The following NKIRAS1 variants were observed in gnomAD, a reference collection of about 807,000 sequenced individuals.
The protein encoded by NKIRAS1 is NF-kappa-B inhibitor-interacting Ras-like protein 1.
Under a neutral mutation model 19.8 loss-of-function variants are expected in NKIRAS1, and 16 were observed. That is an observed-to-expected ratio of 0.81 (90% CI 0.55 to 1.23). NKIRAS1 has a LOEUF of 1.23. Ranked by LOEUF, NKIRAS1 falls within the 50% of genes most tolerant of loss-of-function variation. The pLI, the probability that NKIRAS1 is intolerant of heterozygous loss-of-function variation, is 0.00. For missense variants in NKIRAS1, 184 were observed against 220.0 expected, an observed-to-expected ratio of 0.84 and a Z score of 1.04; for synonymous variants, 88 against 79.0, an observed-to-expected ratio of 1.11 and a Z score of -0.61.
intron 1 of NKIRAS1, chr3:23,945,692 C>T: frequency 6.7e-6 from 1 of 149,220 alleles, no homozygotes; most frequent in Non-Finnish European, 1.4e-5. Context: ...TCCCCATGGC[C>T]GGTGGGGCGG....
rs771809065 is a variant in NKIRAS1 at position 23,893,237 on chromosome 3, A to C, written c.437T>G (p.Leu146Arg). ...CCGATCTGTAACAGTCACCTCCCAC[A>C]GTCTTACTTTCTCACTTTTTGCCCA... ...QQWAKSEKVR[L>R]WEVTVTDRKT... Residue 146 changes from leucine (L) to arginine (R), a missense_variant, in exon 5 of 5, where the codon CTG (leucine) becomes CGG (arginine). Leu to Arg is a moderately radical substitution (Grantham distance 102). Transcript: ENST00000425478. The C allele has an allele frequency of 6.2e-7, 1 of 1,614,066 alleles. No individual in the cohort carries two copies. The highest frequency in any genetic ancestry group is 1.3e-5 in the African/African-American group (1 of 74,934).
intron 3 of NKIRAS1, among the ~76,000 whole-genome samples, chr3:23,905,128 C>G (rs946919590): frequency 1.3e-5 from 2 of 152,110 alleles, no homozygotes; most frequent in African/African-American, 4.8e-5. Flanking sequence ...CATGCCTGGC[C>G]TGATGTGTCT....
At position 23,890,409 on chromosome 3, in the gene NKIRAS1, A is replaced by G. The variant is rs1277561832; in HGVS notation, c.*2686T>C. 1 of 1,092,000 alleles carries G rather than the reference A, an allele frequency of 9.2e-7. No individual in the cohort carries two copies. Among genetic ancestry groups the G allele is most frequent in the Non-Finnish European group, 1.3e-6 (1 of 762,954 alleles). 67.6% of individuals were successfully genotyped at this position (1,092,000 alleles called of 1,614,324 possible). ...GTGTTTCGAAGATGGGTTTGATCACACATACTTTGTCGTACGTATCTACCC... is the reference window on the plus strand; with the variant it reads ...GTGTTTCGAAGATGGGTTTGATCACGCATACTTTGTCGTACGTATCTACCC... On this transcript the variant is annotated 3_prime_UTR_variant, in exon 5 of 5. Transcript: ENST00000425478.
At chr3:23,920,499 A>G, upstream of NKIRAS1, 3 of 985,284 alleles carry the variant, frequency 3.0e-6, no homozygotes, top group African/African-American at 3.5e-5. Context: ...GACTATGAGT[A>G]TACCACCACA....
intron 3 of NKIRAS1, among the ~76,000 whole-genome samples, chr3:23,906,158 CAAAA>C (rs377092022): frequency 2.0e-5 from 2 of 98,842 alleles, no homozygotes; most frequent in Admixed American, 1.2e-4. Flanking sequence ...GACTCCGTCT[CAAAA>C]AAAAAAAAAA....
intron 1 of NKIRAS1, chr3:23,916,521 A>C (rs1414440452): frequency 6.6e-6 from 1 of 152,260 alleles, no homozygotes; most frequent in African/African-American, 2.4e-5. Flanking sequence ...TTTTAGGACA[A>C]AATCCCTGGG....
chr3:23,909,351 G>A (rs997418215), intron 3 of NKIRAS1, among the ~76,000 whole-genome samples: 1 of 152,028 alleles, frequency 6.6e-6, no homozygotes, highest in Non-Finnish European at 1.5e-5. Flanking sequence ...GTGAAACCCC[G>A]TCTCTACTAA....
In NKIRAS1 at chr3:23,892,981, C is replaced by G. The variant is rs1339652457; in HGVS notation, c.*114G>C. On this transcript the variant is annotated 3_prime_UTR_variant, in exon 5 of 5. Transcript: ENST00000425478. ...TTAATTGACTTCCTTAGGAATTTTC[C>G]TAAGGACCAAAGGTAGATACAAATG... 3 of 1,146,548 alleles carry G rather than the reference C, an allele frequency of 2.6e-6. No homozygotes were observed. Among genetic ancestry groups the G allele is most frequent in the South Asian group, 2.4e-5 (1 of 41,820 alleles). The allele number at this position is 1,146,548 out of a possible 1,614,324, so 71.0% of individuals were successfully genotyped here. A position where few individuals can be genotyped will look rare whatever the true frequency, so the allele number is the denominator to read the frequency against.
intron 1 of NKIRAS1, among the ~76,000 whole-genome samples, chr3:23,924,996 G>C (rs1003080482): frequency 6.6e-6 from 1 of 152,122 alleles, no homozygotes; most frequent in Non-Finnish European, 1.5e-5. Flanking sequence ...GGAACATTGC[G>C]AGGTGTCCAT....
At chr3:23,917,215 A>G (rs531388287), upstream of NKIRAS1, 1 of 152,870 alleles carries the variant, frequency 6.5e-6, no homozygotes, top group South Asian at 2.1e-4. Flanking sequence ...TCCGCCTTTG[A>G]TCGTCTTCCT....
chr3:23,925,534 T>C (rs570085828), intron 1 of NKIRAS1, among the ~76,000 whole-genome samples: 54 of 152,192 alleles, frequency 3.5e-4, no homozygotes, highest in Non-Finnish European at 6.8e-4. Flanking sequence ...CTCAGGAGGC[T>C]AAGGTGGGAG....
In NKIRAS1 at chr3:23,943,357, C is replaced by T. The variant is rs552844621; in HGVS notation, c.-140+2966G>A. On this transcript the variant is annotated intron_variant, in intron 1 of 4. Transcript: ENST00000421515. ...AAGCGATTCTCCTGCCTCAGCCTCC[C>T]GAGTAGCTGGGATTACAGGCATGCG... Among the ~76,000 whole-genome samples the T allele has an allele frequency of 2.5e-4, 38 of 152,254 alleles. No individual in the cohort carries two copies. The East Asian group carries it at 7.0e-3, about 28-fold the overall frequency.
chr3:23,910,675 C>T (rs1022696658), intron 3 of NKIRAS1, 136 bp downstream of exon 3: 3 of 638,890 alleles, frequency 4.7e-6, no homozygotes, highest in Non-Finnish European at 8.3e-6. Flanking sequence ...CTTTTCTTAC[C>T]TCTTAATCTC....
At position 23,929,627 on chromosome 3, in the gene NKIRAS1, A is replaced by G. The variant is rs1053850409; in HGVS notation, c.-140+16696T>C. Among the ~76,000 whole-genome samples, 5 of 151,798 alleles carry G rather than the reference A, an allele frequency of 3.3e-5. No homozygotes were observed. The East Asian group carries it at 9.7e-4, about 30-fold the overall frequency. On this transcript the variant is annotated intron_variant, in intron 1 of 4. Transcript: ENST00000421515. ...GTTGTTGTTGTTTTTGTTTTTGTAG[A>G]GAAAGGGTCTCCCCATGTTGCCCAG...
At chr3:23,912,234 A>T (rs1703818358) in intron 1 of NKIRAS1, among the ~76,000 whole-genome samples, 1 of 152,204 alleles carries the variant, frequency 6.6e-6, no homozygotes, top group Non-Finnish European at 1.5e-5. Context: ...AGCAAAAGAA[A>T]CTACCATCAG....
intron 1 of NKIRAS1, among the ~76,000 whole-genome samples, chr3:23,925,953 G>A (rs7636810): frequency 0.76 from 115,143 of 152,234 alleles, 44,463 homozygotes; most frequent in African/African-American, 0.9. Context: ...CAAATGCTCA[G>A]TGGGCACATT....
chr3:23,893,898 A>T (rs1701706844), intron 4 of NKIRAS1, among the ~76,000 whole-genome samples: 1 of 151,966 alleles, frequency 6.6e-6, no homozygotes. Flanking sequence ...GGACTTGGGA[A>T]ATTGGCATCT....
Position 23,926,194 on chromosome 3 carries a change from G to T in NKIRAS1, c.-139-14744C>A, listed in dbSNP as rs1705208592. On this transcript the variant is annotated intron_variant, in intron 1 of 4. Coordinates refer to the NKIRAS1 transcript ENST00000421515. This position sits in a 1 kb window ranked among gnomAD's most constrained non-coding sequence, Gnocchi z 4.3. The stretch of plus-strand genomic sequence containing the variant: ...AGCCTCCCAAGTAGCTGGGATTACA[G>T]GCACCCGCCACCACGCCCAGCTAAT... Among the ~76,000 whole-genome samples, 2 of 152,174 alleles carry T rather than the reference G, an allele frequency of 1.3e-5. No homozygotes were observed. The highest frequency in any genetic ancestry group is 4.8e-5 in the African/African-American group (2 of 41,442).
intron 4 of NKIRAS1, among the ~76,000 whole-genome samples, chr3:23,897,571 C>T (rs539909838): frequency 1.3e-5 from 2 of 152,346 alleles, no homozygotes; most frequent in South Asian, 2.1e-4. Context: ...CTACAACACA[C>T]CTCCTAGCCC....
Sources: gnomAD v4.1 joint callset for allele counts (sites outside exome capture counted in the v4.1 genomes callset) on GRCh38, gnomAD v4.1.1 for gene constraint, Gnocchi (gnomAD v3.1) non-coding constraint, MANE v1.5 for transcripts, NCBI Gene and HGNC (gene_info 2026-07-23, HGNC 2026-07-21) for gene names.